AKAP10: variants seen among roughly 807,000 people sequenced by gnomAD.
AKAP10 encodes the protein A-kinase anchoring protein 10.
A neutral mutation model predicts 80.8 loss-of-function variants in AKAP10; 24 were observed. That is an observed-to-expected ratio of 0.30 (90% CI 0.22 to 0.42). The LOEUF is 0.42. Among genes scored for constraint, AKAP10 ranks in the 10% least tolerant of loss-of-function variants. The probability of loss-of-function intolerance (pLI) is 1.00; values close to 1 mark genes in which losing one functional copy is unlikely to be tolerated. For missense variants in AKAP10, 661 were observed against 794.9 expected (o/e 0.83, Z 2.03); for synonymous variants, 291 against 277.7 (o/e 1.05, Z -0.48).
At chr17:19,906,266 G>A (rs1432797090) in intron 14 of AKAP10, 34 bp from the exon 15 acceptor site, 2 of 1,595,256 alleles carry the variant, frequency 1.3e-6, no homozygotes, top group Admixed American at 1.7e-5. Context: ...ATGGTAAGGT[G>A]CATTTCTCTA....
intron 12 of AKAP10, among the ~76,000 whole-genome samples, chr17:19,910,515 C>A (rs1019881584): frequency 6.6e-6 from 1 of 152,086 alleles, no homozygotes; most frequent in Non-Finnish European, 1.5e-5. Context: ...GCTTGAAAAA[C>A]TTTTGAAAAG....
chr17:19,953,944 A>G (rs549264729), intron 4 of AKAP10, among the ~76,000 whole-genome samples: 1 of 152,252 alleles, frequency 6.6e-6, no homozygotes, highest in South Asian at 2.1e-4. Flanking sequence ...AGGCAGGAGG[A>G]TAACTTGAAC....
Position 19,936,362 on chromosome 17 carries a change from T to G in AKAP10, c.1391A>C (p.Asn464Thr). ...DDVVRLEIESNICREGGPLPN... is the reference protein window; with the variant it reads ...DDVVRLEIESTICREGGPLPN... Reference sequence around the variant, plus strand: ...GAGTGGCCCACCTTCCCTGCAGATATTGGATTCAATTTCTAATCGTACAAC... The same window carrying G: ...GAGTGGCCCACCTTCCCTGCAGATAGTGGATTCAATTTCTAATCGTACAAC... Residue 464 changes from asparagine to threonine, a missense_variant, in exon 9 of 15, where the codon AAT becomes ACT. By Grantham distance (65) the Asn-to-Thr change is moderately conservative. Transcript: ENST00000225737. 1 of 1,613,738 alleles carries G rather than the reference T, an allele frequency of 6.2e-7. No homozygotes were observed. Among genetic ancestry groups the G allele is most frequent in the Non-Finnish European group, 8.5e-7 (1 of 1,179,736 alleles).
chr17:19,955,931 A>T (rs1174352731), intron 4 of AKAP10, among the ~76,000 whole-genome samples: 1 of 152,202 alleles, frequency 6.6e-6, no homozygotes, highest in African/African-American at 2.4e-5. Context: ...AATGTTTTTT[A>T]AAAAGGTGAG....
chr17:19,972,681 T>C (rs1327469846), intron 1 of AKAP10, among the ~76,000 whole-genome samples: 1 of 152,184 alleles, frequency 6.6e-6, no homozygotes, highest in Non-Finnish European at 1.5e-5. Context: ...GGTCTCAATC[T>C]CCTGACCTGG....
At chr17:19,930,450 A>G (rs1031347949) in intron 10 of AKAP10, among the ~76,000 whole-genome samples, 1 of 152,178 alleles carries the variant, frequency 6.6e-6, no homozygotes. Flanking sequence ...GAAATGCACA[A>G]TGTGGCACGG....
intron 4 of AKAP10, among the ~76,000 whole-genome samples, chr17:19,950,816 G>A (rs2043194710): frequency 6.6e-6 from 1 of 151,688 alleles, no homozygotes; most frequent in African/African-American, 2.4e-5. Flanking sequence ...CCCCGTCTGG[G>A]AAGTGAGGAG....
chr17:19,944,926 A>G (rs938736303), intron 5 of AKAP10, among the ~76,000 whole-genome samples: 1 of 152,206 alleles, frequency 6.6e-6, no homozygotes, highest in African/African-American at 2.4e-5. Context: ...AAGTGGGTAC[A>G]CAGTAAGAGC....
In AKAP10 at chr17:19,977,667, C is replaced by T. The variant is rs542911618; in HGVS notation, c.13G>A (p.Gly5Arg). The change falls in exon 1 of 15, where the codon GGG becomes AGG. Residue 5 changes from glycine (G) to arginine (R), a missense_variant. Physicochemically the swap from Gly to Arg is moderately radical, Grantham distance 125 (BLOSUM62 -2). Transcript: ENST00000225737. The stretch of plus-strand genomic sequence containing the variant: ...CGGGGGGACTGGCGCGGGGAGGGCC[C>T]GGCTCCCCTCATTCAGCAACCGGCC... Reference protein sequence around the residue: MRGAGPSPRQSPRTL... With the variant: MRGARPSPRQSPRTL... 8 of 1,234,956 alleles carry T rather than the reference C, an allele frequency of 6.5e-6. No homozygotes were observed. The East Asian group carries it at 1.3e-4, about 19-fold the overall frequency. The allele number at this position is 1,234,956 out of a possible 1,614,324, so 76.5% of individuals were successfully genotyped here.
chr17:19,946,191 C>T (rs1307513018), intron 5 of AKAP10, among the ~76,000 whole-genome samples: 6 of 64,326 alleles, frequency 9.3e-5, no homozygotes, highest in Non-Finnish European at 1.4e-4. Context: ...TGCATATATA[C>T]TAATACATAT....
intron 10 of AKAP10, among the ~76,000 whole-genome samples, chr17:19,930,775 A>G (rs1196762363): frequency 6.6e-6 from 1 of 152,120 alleles, no homozygotes; most frequent in Non-Finnish European, 1.5e-5. Flanking sequence ...CAGTGGCGTG[A>G]TCTCGGCTCA....
intron 3 of AKAP10, 50 bp downstream of exon 3, chr17:19,962,790 T>C (rs1161770724): frequency 6.4e-7 from 1 of 1,551,792 alleles, no homozygotes; most frequent in Admixed American, 1.8e-5. Flanking sequence ...TTTCACATAT[T>C]GTACTCAAAT....
intron 14 of AKAP10, among the ~76,000 whole-genome samples, chr17:19,907,645 C>A (rs1191652550): frequency 6.6e-6 from 1 of 151,968 alleles, no homozygotes; most frequent in Non-Finnish European, 1.5e-5. Flanking sequence ...GTCTTGAACT[C>A]CTACCCACCT....
At chr17:19,950,216 A>G (rs1567768217) in intron 4 of AKAP10, among the ~76,000 whole-genome samples, 1 of 152,236 alleles carries the variant, frequency 6.6e-6, no homozygotes, top group African/African-American at 2.4e-5. Flanking sequence ...TGGCAGGAGA[A>G]TCACTCAAAA....
At position 19,955,602 on chromosome 17, in the gene AKAP10, T is replaced by C. The variant is rs75042833; in HGVS notation, c.877+2412A>G. Among the ~76,000 whole-genome samples the C allele has an allele frequency of 2.7e-3, 407 of 152,216 alleles. 15 individuals are homozygous for C. In the East Asian group the frequency reaches 0.074, roughly 28 times the overall value. On this transcript the variant is annotated intron_variant, in intron 4 of 14. Coordinates refer to ENST00000225737, the MANE Select transcript of AKAP10 (RefSeq NM_007202.4). Reference sequence around the variant, plus strand: ...ACATAATCCTAGCACTTTGGGAGGCTGAGGTGGGCAGATCACAAAGTCAGG... The same window carrying C: ...ACATAATCCTAGCACTTTGGGAGGCCGAGGTGGGCAGATCACAAAGTCAGG...
At chr17:19,969,867 ATGT>A (rs1338536400) in intron 1 of AKAP10, among the ~76,000 whole-genome samples, 3 of 152,284 alleles carry the variant, frequency 2.0e-5, no homozygotes, top group African/African-American at 7.2e-5. Flanking sequence ...ACATTTAAAA[ATGT>A]TGTAGGGTCA....
chr17:19,946,253 ATATATATATATATATATATATATT>A (rs2043119505), intron 5 of AKAP10, among the ~76,000 whole-genome samples: 3 of 20,806 alleles, frequency 1.4e-4, no homozygotes, highest in South Asian at 1.4e-3. Context: ...ATATATATAT[ATATATATATATATATATATATATT>A]TTTTTTTTTT....
intron 9 of AKAP10, among the ~76,000 whole-genome samples, chr17:19,933,925 A>G (rs1308212458): frequency 6.6e-6 from 1 of 152,032 alleles, no homozygotes; most frequent in East Asian, 1.9e-4. Flanking sequence ...TTTATTTATT[A>G]TAATTATATT....
chr17:19,920,853 C>T (rs1184519056), intron 11 of AKAP10, among the ~76,000 whole-genome samples: 1 of 37,712 alleles, frequency 2.7e-5, no homozygotes, highest in East Asian at 8.2e-4. Context: ...AAGACTCTAT[C>T]TCAAAAAAAA....
Sources: allele counts gnomAD v4.1 joint callset (sites outside exome capture counted in the v4.1 genomes callset), GRCh38; gene constraint gnomAD v4.1.1; transcripts MANE v1.5; gene names NCBI Gene and HGNC (gene_info 2026-07-23, HGNC 2026-07-21).